Variants in RBFOX1 observed in about 807,000 individuals in gnomAD.
RBFOX1 encodes RNA binding fox-1 homolog 1.
In RBFOX1, 8 loss-of-function variants were observed where a neutral mutation model predicts 57.7. The ratio of observed to expected loss-of-function variants is 0.14; its 90% CI spans 0.08 to 0.25. The LOEUF (loss-of-function observed/expected upper bound fraction) is 0.25. Ranked by LOEUF, RBFOX1 falls within the 10% of genes least tolerant of loss-of-function variation. The probability of loss-of-function intolerance (pLI) is 1.00; values close to 1 mark genes in which losing one functional copy is unlikely to be tolerated. For missense variants in RBFOX1, 611 were observed against 548.5 expected, an observed-to-expected ratio of 1.11 and a Z score of -1.14; for synonymous variants, 326 against 222.4, an observed-to-expected ratio of 1.47 and a Z score of -4.15.
chr16:5,385,901 G>T (rs957511178), intron 1 of RBFOX1, among the ~76,000 whole-genome samples: 6 of 152,122 alleles, frequency 3.9e-5, no homozygotes, highest in Admixed American at 2.6e-4. Context: ...AGAGACAAGT[G>T]GGGGCAGGAG....
intron 3 of RBFOX1, among the ~76,000 whole-genome samples, chr16:5,633,819 C>G (rs946677350): frequency 6.0e-5 from 9 of 150,812 alleles, no homozygotes; most frequent in Non-Finnish European, 4.4e-5. Flanking sequence ...GGCCACTGTC[C>G]TCCAGCCTGG....
intron 4 of RBFOX1, among the ~76,000 whole-genome samples, chr16:7,394,399 C>T (rs1020266012): frequency 6.6e-6 from 1 of 152,014 alleles, no homozygotes; most frequent in Non-Finnish European, 1.5e-5. Flanking sequence ...TCTCCTTAGT[C>T]TTCAGCCTGA....
At chr16:6,397,009 A>G in intron 2 of RBFOX1, among the ~76,000 whole-genome samples, 1 of 152,220 alleles carries the variant, frequency 6.6e-6, no homozygotes, top group African/African-American at 2.4e-5. Context: ...ATATCATTCA[A>G]TTTGAAAAAA....
intron 3 of RBFOX1, among the ~76,000 whole-genome samples, chr16:6,899,103 CTG>C (rs1047931517): frequency 9.1e-4 from 137 of 150,370 alleles, no homozygotes; most frequent in African/African-American, 2.9e-3. Context: ...GTGTGTACAT[CTG>C]TGTATACGTG....
intron 3 of RBFOX1, among the ~76,000 whole-genome samples, chr16:6,997,024 A>G (rs1396087607): frequency 6.6e-6 from 1 of 152,144 alleles, no homozygotes; most frequent in Non-Finnish European, 1.5e-5. Flanking sequence ...ATATATGTTT[A>G]TATTTATATG....
At chr16:6,317,256 C>T (rs148430047) in intron 2 of RBFOX1, among the ~76,000 whole-genome samples, 199 bp downstream of exon 2, 1 of 152,238 alleles carries the variant, frequency 6.6e-6, no homozygotes, top group Non-Finnish European at 1.5e-5. Context: ...TTAGCCCTCC[C>T]TCCCCAATGA....
chr16:7,562,122 G>C (rs2090524197), intron 5 of RBFOX1, among the ~76,000 whole-genome samples: 1 of 152,192 alleles, frequency 6.6e-6, no homozygotes, highest in African/African-American at 2.4e-5. Flanking sequence ...ATTTTTATGA[G>C]ACCATTAACA....
In RBFOX1 at chr16:5,860,790, G is replaced by A. The variant is rs572984867; in HGVS notation, c.319-6513G>A. Among the ~76,000 whole-genome samples the A allele has an allele frequency of 2.6e-4, 39 of 152,240 alleles. No homozygotes were observed. The East Asian group carries it at 7.0e-3, about 27-fold the overall frequency. On this transcript the variant is annotated intron_variant, in intron 3 of 19. Coordinates refer to the RBFOX1 transcript ENST00000641259. ...CCTTCTCCACAACATCATGAAAAAA[G>A]CCAAGCTCCAGGGCTCCTCTTGTAG... is the stretch of plus-strand genomic sequence containing the variant.
At chr16:7,051,717 T>C (rs1036366842) in intron 3 of RBFOX1, among the ~76,000 whole-genome samples, 2 of 152,158 alleles carry the variant, frequency 1.3e-5, no homozygotes, top group African/African-American at 4.8e-5. Context: ...GCACCTGTGA[T>C]ATAGGGCAAG....
At chr16:7,642,941 A>T (rs573528271) in intron 11 of RBFOX1, among the ~76,000 whole-genome samples, 1 of 152,192 alleles carries the variant, frequency 6.6e-6, no homozygotes, top group African/African-American at 2.4e-5. Flanking sequence ...CGGCGGGGGA[A>T]ATTGTCGATA....
chr16:7,268,979 G>C (rs1276488297), intron 4 of RBFOX1, among the ~76,000 whole-genome samples: 1 of 145,600 alleles, frequency 6.9e-6, no homozygotes. Flanking sequence ...AGAGTTTGCA[G>C]TGAGCCGAGA....
chr16:7,457,089 G>A (rs1030017731), intron 4 of RBFOX1, among the ~76,000 whole-genome samples: 9 of 151,954 alleles, frequency 5.9e-5, no homozygotes, highest in African/African-American at 2.2e-4. Context: ...GTTTCTCCGT[G>A]TTGGTCAGGC....
At chr16:6,485,832 T>C (rs942056969) in intron 2 of RBFOX1, among the ~76,000 whole-genome samples, 1 of 152,202 alleles carries the variant, frequency 6.6e-6, no homozygotes, top group African/African-American at 2.4e-5. Flanking sequence ...CTTCTGTTTT[T>C]CCTATCACTT....
At chr16:7,037,558 A>G (rs2044879411) in intron 3 of RBFOX1, among the ~76,000 whole-genome samples, 1 of 151,996 alleles carries the variant, frequency 6.6e-6, no homozygotes, top group Admixed American at 6.6e-5. Context: ...AATCACAACA[A>G]CAACAACAAA....
chr16:7,682,071 C>A (rs1203638751), intron 14 of RBFOX1, among the ~76,000 whole-genome samples: 1 of 152,122 alleles, frequency 6.6e-6, no homozygotes, highest in East Asian at 1.9e-4. Context: ...GTTGTCAACC[C>A]TCTTTTCTGG....
intron 1 of RBFOX1, among the ~76,000 whole-genome samples, chr16:5,356,912 C>G (rs1596640448): frequency 6.6e-6 from 1 of 152,158 alleles, no homozygotes; most frequent in Non-Finnish European, 1.5e-5. Flanking sequence ...TGCTTTGTTA[C>G]CTGGCATTAG....
At chr16:6,451,086 C>T (rs1002100536) in intron 2 of RBFOX1, among the ~76,000 whole-genome samples, 6 of 151,140 alleles carry the variant, frequency 4.0e-5, no homozygotes, top group Non-Finnish European at 8.8e-5. Context: ...TCAGTTACCC[C>T]GATGTCCACT....
At chr16:6,786,770 C>G (rs1259253857) in intron 3 of RBFOX1, among the ~76,000 whole-genome samples, 2 of 152,124 alleles carry the variant, frequency 1.3e-5, no homozygotes, top group East Asian at 1.9e-4. Flanking sequence ...TAAAGAAACT[C>G]CACCCAATGG....
chr16:7,452,283 C>T (rs1397263096), intron 4 of RBFOX1, among the ~76,000 whole-genome samples: 4 of 152,188 alleles, frequency 2.6e-5, no homozygotes, highest in Admixed American at 1.3e-4. Context: ...TGTAGCTTGA[C>T]AATTTCCATG....
Sources: gnomAD v4.1 joint callset for allele counts (sites outside exome capture counted in the v4.1 genomes callset) on GRCh38, gnomAD v4.1.1 for gene constraint, MANE v1.5 for transcripts, NCBI Gene and HGNC (gene_info 2026-07-23, HGNC 2026-07-21) for gene names.